The following HS3ST5 variants were observed in gnomAD, a reference collection of about 807,000 sequenced individuals.
The protein encoded by HS3ST5 is heparan sulfate-glucosamine 3-sulfotransferase 5, also known as heparan sulfate glucosamine 3-O-sulfotransferase 5.
In HS3ST5, 10 loss-of-function variants were observed where a neutral mutation model predicts 25.4. The ratio of observed to expected loss-of-function variants is 0.39; its 90% CI spans 0.24 to 0.67. HS3ST5 has a LOEUF of 0.67. Ranked by LOEUF, HS3ST5 falls within the 30% of genes least tolerant of loss-of-function variation. The pLI, the probability that HS3ST5 is intolerant of heterozygous loss-of-function variation, is 0.44. For missense variants in HS3ST5, 324 were observed against 420.7 expected (o/e 0.77, Z 2.01); for synonymous variants, 170 against 162.4 (o/e 1.05, Z -0.36).
chr6:114,175,003 A>T lies in HS3ST5; in HGVS notation c.-144-6541T>A, dbSNP rs557984522. ...CGAGACTGTCAAAAAAAGAAAAAAG[A>T]AAAGTGCAAGGTAGATAATAGGAGC... On this transcript the variant is annotated intron_variant, in intron 2 of 4. Transcript: ENST00000312719. Among the ~76,000 whole-genome samples, 50 of 152,306 alleles carry T rather than the reference A, an allele frequency of 3.3e-4. No homozygotes were observed. The South Asian group carries it at 0.01, about 32-fold the overall frequency.
intron 1 of HS3ST5, among the ~76,000 whole-genome samples, chr6:114,253,187 C>G (rs1772742942): frequency 6.6e-6 from 1 of 151,936 alleles, no homozygotes; most frequent in Admixed American, 6.6e-5. Flanking sequence ...ACAATGAGAC[C>G]CTATCTCAAA....
intron 2 of HS3ST5, chr6:114,178,615 C>A (rs1485064860): frequency 4.6e-5 from 7 of 152,170 alleles, no homozygotes; most frequent in Non-Finnish European, 1.0e-4. Flanking sequence ...AGTTTTAATT[C>A]CCCAAAGTGT....
intron 3 of HS3ST5, among the ~76,000 whole-genome samples, chr6:114,125,496 G>T (rs937871825): frequency 6.6e-6 from 1 of 152,056 alleles, no homozygotes; most frequent in East Asian, 1.9e-4. Context: ...TTTTTATGAA[G>T]GTTCTTAAAT....
At chr6:114,324,665 T>TCTTCA (rs1332959250) in intron 1 of HS3ST5, among the ~76,000 whole-genome samples, 1 of 152,218 alleles carries the variant, frequency 6.6e-6, no homozygotes, top group African/African-American at 2.4e-5. Flanking sequence ...AGCCAAAGCC[T>TCTTCA]ATTTCAATTT....
intron 1 of HS3ST5, among the ~76,000 whole-genome samples, chr6:114,278,537 C>A (rs534411199): frequency 0.011 from 1,667 of 151,888 alleles, 41 homozygotes; most frequent in Non-Finnish European, 0.012. Flanking sequence ...ACTGATACTT[C>A]AGTATTCTTT....
intron 3 of HS3ST5, among the ~76,000 whole-genome samples, chr6:114,066,871 A>G (rs947105532): frequency 5.9e-5 from 9 of 152,068 alleles, no homozygotes; most frequent in Non-Finnish European, 1.0e-4. Flanking sequence ...TCTTCCTAAT[A>G]TAAGTTATTT....
At chr6:114,339,252 A>G (rs998050575) in intron 1 of HS3ST5, among the ~76,000 whole-genome samples, 3 of 152,146 alleles carry the variant, frequency 2.0e-5, no homozygotes, top group African/African-American at 7.2e-5. Flanking sequence ...CATTTTTAGT[A>G]AGCATTCTCT....
At chr6:114,179,945 A>C (rs1460029390) in intron 2 of HS3ST5, among the ~76,000 whole-genome samples, 5 of 152,118 alleles carry the variant, frequency 3.3e-5, no homozygotes, top group African/African-American at 1.2e-4. Context: ...TGAGGGCAGG[A>C]AGCATCCAGC....
intron 1 of HS3ST5, among the ~76,000 whole-genome samples, chr6:114,269,562 C>T (rs980091233): frequency 1.3e-5 from 2 of 152,156 alleles, no homozygotes; most frequent in African/African-American, 4.8e-5. Flanking sequence ...GCCATTTCCC[C>T]CTTCAGTTCC....
intron 1 of HS3ST5, among the ~76,000 whole-genome samples, chr6:114,284,155 G>C (rs1371298648): frequency 6.6e-6 from 1 of 151,872 alleles, no homozygotes; most frequent in East Asian, 1.9e-4. Context: ...GAAAATGCTT[G>C]GCCCACCTTA....
At chr6:114,293,791 A>G (rs563058550) in intron 1 of HS3ST5, among the ~76,000 whole-genome samples, 1 of 152,210 alleles carries the variant, frequency 6.6e-6, no homozygotes, top group South Asian at 2.1e-4. Context: ...AGAAGCAGAA[A>G]GAGGTTTCAG....
chr6:114,256,390 A>G (rs1211156055), intron 1 of HS3ST5, among the ~76,000 whole-genome samples: 2 of 150,630 alleles, frequency 1.3e-5, no homozygotes, highest in African/African-American at 4.8e-5. Flanking sequence ...TCCCTCTCAA[A>G]AAAAAAAAAC....
chr6:114,059,329 C>G (rs951556594), intron 4 of HS3ST5: 9 of 152,212 alleles, frequency 5.9e-5, no homozygotes, highest in African/African-American at 1.9e-4. Flanking sequence ...AATTCTTACA[C>G]TTGAAAGCTT....
intron 1 of HS3ST5, among the ~76,000 whole-genome samples, chr6:114,281,382 T>C (rs1774101786): frequency 6.6e-6 from 1 of 152,090 alleles, no homozygotes; most frequent in South Asian, 2.1e-4. Context: ...TTTTAAAGGT[T>C]GTCCTAAATG....
chr6:114,285,972 A>G (rs944894062), intron 1 of HS3ST5, among the ~76,000 whole-genome samples: 1 of 151,950 alleles, frequency 6.6e-6, no homozygotes, highest in African/African-American at 2.4e-5. Flanking sequence ...GTCTGATCCC[A>G]TTTATTAAAA....
chr6:114,146,134 T>C (rs1343788238), intron 3 of HS3ST5, among the ~76,000 whole-genome samples: 2 of 151,816 alleles, frequency 1.3e-5, no homozygotes, highest in Non-Finnish European at 1.5e-5. Flanking sequence ...CTTCTAGATA[T>C]GTCTCTTCTC....
chr6:114,204,934 A>G (rs1379307371), intron 2 of HS3ST5, among the ~76,000 whole-genome samples: 1 of 152,198 alleles, frequency 6.6e-6, no homozygotes, highest in African/African-American at 2.4e-5. Flanking sequence ...CATGCCTGGT[A>G]GAAACATGAA....
At chr6:114,133,196 C>A (rs1157189063) in intron 3 of HS3ST5, among the ~76,000 whole-genome samples, 2 of 152,138 alleles carry the variant, frequency 1.3e-5, no homozygotes, top group Non-Finnish European at 2.9e-5. Context: ...TGACAATGGG[C>A]CTGGTTCCTC....
chr6:114,336,888 A>G (rs1776633024), intron 1 of HS3ST5, among the ~76,000 whole-genome samples: 1 of 152,214 alleles, frequency 6.6e-6, no homozygotes, highest in African/African-American at 2.4e-5. Flanking sequence ...AACTATACTC[A>G]AATAGTAAGA....
Sources: allele counts gnomAD v4.1 joint callset (sites outside exome capture counted in the v4.1 genomes callset), GRCh38; gene constraint gnomAD v4.1.1; transcripts MANE v1.5; gene names NCBI Gene and HGNC (gene_info 2026-07-23, HGNC 2026-07-21).